SYNE1: variants seen among roughly 807,000 people sequenced by gnomAD.
SYNE1 encodes spectrin repeat containing nuclear envelope protein 1.
SYNE1 carries 616 observed loss-of-function variants against 1,111.0 expected under a neutral mutation model. The ratio of observed to expected loss-of-function variants is 0.55; its 90% CI spans 0.52 to 0.59. SYNE1 has a LOEUF of 0.59. Ranked by LOEUF, SYNE1 falls within the 20% of genes least tolerant of loss-of-function variation. The pLI, the probability that SYNE1 is intolerant of heterozygous loss-of-function variation, is 0.00. For synonymous variants in SYNE1, 3,855 were observed against 3,825.8 expected, an observed-to-expected ratio of 1.01 and a Z score of -0.28; for missense variants, 10,006 against 10,417.0, an observed-to-expected ratio of 0.96 and a Z score of 1.72.
At chr6:152,568,465 G>A (rs1357377402) in intron 3 of SYNE1, among the ~76,000 whole-genome samples, 1 of 151,698 alleles carries the variant, frequency 6.6e-6, no homozygotes, top group Non-Finnish European at 1.5e-5. Flanking sequence ...ACCACACTCG[G>A]CTAATTTTTG....
chr6:152,613,379 T>C (rs994733760), intron 3 of SYNE1, among the ~76,000 whole-genome samples: 2 of 152,262 alleles, frequency 1.3e-5, no homozygotes. Flanking sequence ...AGCCAAATCA[T>C]AAGTGAACTC....
chr6:152,505,499 CAG>C (rs2099053069), intron 8 of SYNE1, 102 bp from the exon 9 acceptor site: 2 of 1,250,278 alleles, frequency 1.6e-6, no homozygotes, highest in South Asian at 1.3e-5. Context: ...CAACGATATG[CAG>C]AGAGCTGTAT....
intron 141 of SYNE1, among the ~76,000 whole-genome samples, chr6:152,135,871 G>C (rs189396417): frequency 6.6e-6 from 1 of 152,084 alleles, no homozygotes; most frequent in Non-Finnish European, 1.5e-5. Flanking sequence ...TCTGGTTCCT[G>C]ACCACCTCCT....
intron 58 of SYNE1, among the ~76,000 whole-genome samples, chr6:152,373,512 C>T (rs1040869855): frequency 5.9e-5 from 9 of 152,050 alleles, no homozygotes; most frequent in African/African-American, 1.7e-4. Flanking sequence ...GATCTCCTGA[C>T]CTTGTGATCT....
intron 41 of SYNE1, among the ~76,000 whole-genome samples, chr6:152,415,946 G>A (rs2098146559): frequency 6.6e-6 from 1 of 152,090 alleles, no homozygotes; most frequent in Non-Finnish European, 1.5e-5. Flanking sequence ...TGAAATTACA[G>A]AAACAGTCTG....
chr6:152,572,807 T>C (rs2099470621), intron 3 of SYNE1, among the ~76,000 whole-genome samples: 2 of 152,136 alleles, frequency 1.3e-5, no homozygotes, highest in South Asian at 4.1e-4. Context: ...TCATGGGTGT[T>C]GTGTGTGAAT....
chr6:152,575,898 T>C (rs369858026), intron 3 of SYNE1, among the ~76,000 whole-genome samples: 1 of 152,246 alleles, frequency 6.6e-6, no homozygotes, highest in African/African-American at 2.4e-5. Flanking sequence ...GACTGTAATC[T>C]CTTTTAAAAT....
chr6:152,382,530 G>A (rs1476087590), intron 55 of SYNE1, among the ~76,000 whole-genome samples: 2 of 152,084 alleles, frequency 1.3e-5, no homozygotes, highest in Non-Finnish European at 2.9e-5. Context: ...GTATTCAGTT[G>A]TGCAGTAGTC....
chr6:152,413,441 C>G lies in SYNE1; in HGVS notation c.6141G>C (p.Gln2047His), dbSNP rs1382575522. 6.2e-7 allele frequency: 1 copy of G among 1,614,120 alleles called. No individual in the cohort carries two copies. The highest frequency in any genetic ancestry group is 2.2e-5 in the East Asian group (1 of 44,860). Residue 2047 changes from glutamine (Q) to histidine (H), a missense_variant, in exon 42 of 146, where the codon CAG becomes CAC. Around this residue, in one of 7 missense-constraint regions of SYNE1, gnomAD observed 4,955 missense variants for 5,017.2 expected, o/e 0.99. Coordinates refer to ENST00000367255, the MANE Select transcript of SYNE1 (RefSeq NM_182961.4). ...CTTCAGGTGCAAAAGCTACATCTTT[C>G]TGGGCAATTTGCTTGGCTTTGTCTT... Reference protein sequence around the residue: ...WLKDKAKQIAQKDVAFAPEVD... With the variant: ...WLKDKAKQIAHKDVAFAPEVD...
rs757640088 is a variant in SYNE1 at position 152,498,744 on chromosome 6, T to C, written c.937A>G (p.Lys313Glu). The C allele has an allele frequency of 6.4e-7, 1 of 1,555,286 alleles. No individual in the cohort carries two copies. The highest frequency in any genetic ancestry group is 1.2e-5 in the South Asian group (1 of 82,624). The change falls in exon 11 of 146, where the codon AAG (lysine) becomes GAG (glutamate). Residue 313 changes from lysine to glutamate, a missense_variant and splice_region_variant. Lys to Glu is a moderately conservative substitution (Grantham distance 56). Transcript: ENST00000367255. ...PSFANSVQNF[K>E]REDRVIFKEM... is the part of the protein sequence containing the mutation. ...ATGCAAGATTACTTAAATCTTACCT[T>C]AAAATTTTGTACAGAATTTGCAAAA...
intron 105 of SYNE1, 99 bp downstream of exon 105, chr6:152,249,062 A>G (rs36215565): frequency 5.9e-6 from 5 of 846,460 alleles, no homozygotes; most frequent in Non-Finnish European, 1.0e-5. Flanking sequence ...CAAAAGTGCC[A>G]CTGTGAGCCA....
intron 5 of SYNE1, among the ~76,000 whole-genome samples, chr6:152,525,107 C>T (rs2099157636): frequency 6.6e-6 from 1 of 152,130 alleles, no homozygotes; most frequent in South Asian, 2.1e-4. Flanking sequence ...GCATCTGCTA[C>T]CTGGGAATCC....
intron 81 of SYNE1, 32 bp from the exon 82 acceptor site, chr6:152,323,769 A>G: frequency 1.2e-6 from 2 of 1,613,086 alleles, no homozygotes; most frequent in Non-Finnish European, 1.7e-6. Context: ...ATGAAGTTCA[A>G]TAATAAATAA....
At chr6:152,540,090 T>C (rs936398875) in intron 3 of SYNE1, 69 bp from the exon 4 acceptor site, 13 of 1,456,724 alleles carry the variant, frequency 8.9e-6, no homozygotes, top group Non-Finnish European at 1.3e-5. Flanking sequence ...GAAAAAGTCC[T>C]ATTTACACAA....
chr6:152,535,217 T>C (rs1029330198), intron 4 of SYNE1, among the ~76,000 whole-genome samples: 4 of 152,242 alleles, frequency 2.6e-5, no homozygotes, highest in Non-Finnish European at 5.9e-5. Context: ...AGAAGGAGCC[T>C]GGCCTTCGAG....
At chr6:152,556,815 C>A (rs1279309327) in intron 3 of SYNE1, among the ~76,000 whole-genome samples, 12 of 152,142 alleles carry the variant, frequency 7.9e-5, no homozygotes. Context: ...GAAGGGCTTT[C>A]CCTGCTAAGG....
chr6:152,461,559 T>A lies in SYNE1; in HGVS notation c.2394+38A>T, dbSNP rs756982926. The A allele has an allele frequency of 4.3e-6, 7 of 1,613,412 alleles. No individual in the cohort carries two copies. The South Asian group carries it at 7.7e-5, about 18-fold the overall frequency. ...GCAAGCAAGCTGAAGGCACTGTTGG[T>A]GTCACACAGCCTATTGTGCATTAAA... On this transcript the variant is annotated intron_variant, in intron 21 of 145. Coordinates refer to ENST00000367255, the MANE Select transcript of SYNE1 (RefSeq NM_182961.4).
chr6:152,158,417 A>T (rs1563100912), intron 131 of SYNE1, among the ~76,000 whole-genome samples: 1 of 151,908 alleles, frequency 6.6e-6, no homozygotes, highest in African/African-American at 2.4e-5. Flanking sequence ...TCTTCCTCTT[A>T]TTTTTTTCCT....
At chr6:152,365,563 G>A (rs1311716839) in intron 62 of SYNE1, among the ~76,000 whole-genome samples, 3 of 151,922 alleles carry the variant, frequency 2.0e-5, no homozygotes, top group Non-Finnish European at 2.9e-5. Context: ...GGGATCAAGC[G>A]ATCCTTCTAG....
Sources: gnomAD v4.1 joint callset for allele counts (sites outside exome capture counted in the v4.1 genomes callset) on GRCh38, gnomAD v4.1.1 for gene constraint, gnomAD v4.1.1 regional missense constraint, MANE v1.5 for transcripts, NCBI Gene and HGNC (gene_info 2026-07-23, HGNC 2026-07-21) for gene names.